SLC12A6: variants seen among roughly 807,000 people sequenced by gnomAD.
SLC12A6 encodes the protein solute carrier family 12 member 6.
Under a neutral mutation model 135.3 loss-of-function variants are expected in SLC12A6, and 66 were observed. The observed-to-expected ratio is 0.49, with a 90% confidence interval of 0.40 to 0.60. The LOEUF (loss-of-function observed/expected upper bound fraction) is 0.60, where lower values mean the gene tolerates loss of function less well. SLC12A6 is among the 20% of genes least tolerant of loss of function. The pLI, the probability that SLC12A6 is intolerant of heterozygous loss-of-function variation, is 0.00. For synonymous variants in SLC12A6, 513 were observed against 508.8 expected (o/e 1.01, Z -0.11); for missense variants, 1,058 against 1,452.3 (o/e 0.73, Z 4.41).
At chr15:34,261,955 A>G (rs1338958434) in intron 3 of SLC12A6, among the ~76,000 whole-genome samples, 1 of 152,234 alleles carries the variant, frequency 6.6e-6, no homozygotes, top group Non-Finnish European at 1.5e-5. Context: ...GAGATTCCTC[A>G]GAGAACTTAG....
intron 23 of SLC12A6, 61 bp from the exon 24 acceptor site, chr15:34,236,260 G>A (rs1245722422): frequency 2.3e-6 from 3 of 1,303,576 alleles, no homozygotes; most frequent in African/African-American, 2.9e-5. Flanking sequence ...TTCATCTTTG[G>A]TTATTTTGAA....
rs543499875 is a variant in SLC12A6, at chr15:34,245,471, C to T, written c.1825-68G>A. The T allele has an allele frequency of 1.9e-5, 19 of 993,118 alleles. No individual in the cohort carries two copies. The South Asian group carries it at 2.2e-4, about 11-fold the overall frequency. 61.5% of individuals were successfully genotyped at this position (993,118 alleles called of 1,614,324 possible). A position where few individuals can be genotyped will look rare whatever the true frequency, so the allele number is the denominator to read the frequency against. ...ATTGCTCTCTGATTTCTCTAGCCTA[C>T]AGTTTTCAGACATCTGGAAGACAAC... On this transcript the variant is annotated intron_variant, in intron 14 of 25. Coordinates refer to ENST00000354181, the MANE Select transcript of SLC12A6 (RefSeq NM_001365088.1).
chr15:34,328,964 T>G (rs1889655876), intron 2 of SLC12A6, among the ~76,000 whole-genome samples: 1 of 152,256 alleles, frequency 6.6e-6, no homozygotes. Flanking sequence ...AATAGCTTCT[T>G]GTTTTTCCAC....
chr15:34,246,619 T>G (rs1046325434), intron 13 of SLC12A6, among the ~76,000 whole-genome samples: 1 of 152,100 alleles, frequency 6.6e-6, no homozygotes, highest in Admixed American at 6.5e-5. Flanking sequence ...CATATCTACA[T>G]TCACAGTTCA....
intron 2 of SLC12A6, among the ~76,000 whole-genome samples, chr15:34,284,975 C>T (rs1442887871): frequency 2.0e-5 from 3 of 152,076 alleles, no homozygotes; most frequent in African/African-American, 7.2e-5. Context: ...GCAAGGAGAC[C>T]GGATTATCAG....
At chr15:34,335,809 G>A (rs912461246) in intron 2 of SLC12A6, among the ~76,000 whole-genome samples, 2 of 152,120 alleles carry the variant, frequency 1.3e-5, no homozygotes, top group Non-Finnish European at 2.9e-5. Flanking sequence ...TGGGAATCAG[G>A]CCCTAAAAGC....
intron 2 of SLC12A6, among the ~76,000 whole-genome samples, chr15:34,288,495 A>C (rs1895279214): frequency 6.6e-6 from 1 of 152,230 alleles, no homozygotes; most frequent in South Asian, 2.1e-4. Context: ...TGAACTTTAA[A>C]GTAGTTTTTT....
rs548759993 is a variant in SLC12A6 at position 34,256,302 on chromosome 15, G to A, written c.691-19C>T. On this transcript the variant is annotated intron_variant, in intron 6 of 25. Coordinates refer to ENST00000354181, the MANE Select transcript of SLC12A6 (RefSeq NM_001365088.1). ...ACATTGTCTGCAGAGAAAAGGAAAG[G>A]AGAGGATTGTTACTGTGTAAAGATG... The A allele has an allele frequency of 2.6e-6, 4 of 1,562,848 alleles. No homozygotes were observed. The Admixed American group carries it at 5.0e-5, about 20-fold the overall frequency.
chr15:34,270,145 GTTTTA>G (rs1383660627), intron 3 of SLC12A6, among the ~76,000 whole-genome samples: 1 of 151,718 alleles, frequency 6.6e-6, no homozygotes. Context: ...GTTTTGTTTT[GTTTTA>G]GAGACAGGGT....
intron 2 of SLC12A6, among the ~76,000 whole-genome samples, chr15:34,312,469 T>C (rs553833541): frequency 6.6e-6 from 1 of 152,300 alleles, no homozygotes; most frequent in South Asian, 2.1e-4. Flanking sequence ...TTATAATCAG[T>C]GTACCAGGGG....
In SLC12A6 at chr15:34,261,036, T is replaced by A. The variant is rs770986271; in HGVS notation, c.317-16A>T. 3 of 1,234,106 alleles carry A rather than the reference T, an allele frequency of 2.4e-6. No homozygotes were observed. The highest frequency in any genetic ancestry group is 3.6e-6 in the Non-Finnish European group (3 of 833,888). 76.4% of individuals were successfully genotyped at this position (1,234,106 alleles called of 1,614,324 possible). A position where few individuals can be genotyped will look rare whatever the true frequency, so the allele number is the denominator to read the frequency against. On this transcript the variant is annotated splice_polypyrimidine_tract_variant and intron_variant, in intron 3 of 25. Coordinates refer to ENST00000354181, the MANE Select transcript of SLC12A6 (RefSeq NM_001365088.1). ...TGTCCGTCGTCTGGAAAAAAAAAAGTAGACCAAGTTAGTTTCTCACTGGTT... is the reference window on the plus strand; with the variant it reads ...TGTCCGTCGTCTGGAAAAAAAAAAGAAGACCAAGTTAGTTTCTCACTGGTT...
At chr15:34,336,793 T>G in intron 1 of SLC12A6, 41 bp from the exon 2 acceptor site, 1 of 836,892 alleles carries the variant, frequency 1.2e-6, no homozygotes, top group South Asian at 1.4e-5. Context: ...CACATTTCAA[T>G]AACCTTGATT....
rs1891330334 is a variant in SLC12A6, at chr15:34,237,284, TTTG to T, written c.2934+132_2934+134del. The T allele has an allele frequency of 1.1e-5, 7 of 647,708 alleles. 1 individual carries two copies. The highest frequency in any genetic ancestry group is 3.2e-4 in the Middle Eastern group (1 of 3,146). 40.1% of individuals were successfully genotyped at this position (647,708 alleles called of 1,614,324 possible). ...TTAGGGCAACAAATTAGGGTTTTTTTTTGTTTTTTTTTTGGCACTAGGGGATTA... is the reference window on the plus strand; with the variant it reads ...TTAGGGCAACAAATTAGGGTTTTTTTTTTTTTTTTTGGCACTAGGGGATTA... On this transcript the variant is annotated intron_variant, in intron 22 of 25. Coordinates refer to ENST00000354181, the MANE Select transcript of SLC12A6 (RefSeq NM_001365088.1).
chr15:34,254,124 G>T (rs1780960701), intron 9 of SLC12A6, among the ~76,000 whole-genome samples: 1 of 152,164 alleles, frequency 6.6e-6, no homozygotes, highest in African/African-American at 2.4e-5. Flanking sequence ...CTAAATGATG[G>T]TTACAGCTAC....
intron 17 of SLC12A6, 26 bp downstream of exon 17, chr15:34,242,076 G>A (rs969724554): frequency 3.8e-6 from 6 of 1,580,886 alleles, no homozygotes; most frequent in Non-Finnish European, 5.2e-6. Flanking sequence ...ACTTTTAGCA[G>A]TGATCAAGAT....
In SLC12A6 at chr15:34,266,997, CTT is replaced by C. The variant is rs541599741; in HGVS notation, c.317-5979_317-5978del. On this transcript the variant is annotated intron_variant, in intron 3 of 25. Transcript: ENST00000354181. ...ATTCTCATCCTCTATCTCTCCCACT[CTT>C]TGGATTTTCTGGTTTGTTTTTCCTT... Among the ~76,000 whole-genome samples, 180 of 152,232 alleles carry C rather than the reference CTT, an allele frequency of 1.2e-3. 3 individuals carry two copies. The highest frequency in any genetic ancestry group is 2.3e-3 in the South Asian group (11 of 4,822).
intron 2 of SLC12A6, chr15:34,314,667 C>T (rs978625128): frequency 6.6e-6 from 1 of 152,396 alleles, no homozygotes; most frequent in African/African-American, 2.4e-5. Flanking sequence ...AATGATTCAC[C>T]ATTCTAGACG....
At chr15:34,325,195 G>C in intron 2 of SLC12A6, among the ~76,000 whole-genome samples, 1 of 152,148 alleles carries the variant, frequency 6.6e-6, no homozygotes, top group East Asian at 1.9e-4. Context: ...AGCAGAGCCT[G>C]AAAGGTATAG....
chr15:34,285,713 T>TACA (rs776596338), intron 2 of SLC12A6, among the ~76,000 whole-genome samples: 1 of 45,164 alleles, frequency 2.2e-5, no homozygotes, highest in Non-Finnish European at 6.1e-5. Flanking sequence ...TGTGTGTGTG[T>TACA]TTGTCATACA....
Sources: gnomAD v4.1 joint callset for allele counts (sites outside exome capture counted in the v4.1 genomes callset) on GRCh38, gnomAD v4.1.1 for gene constraint, MANE v1.5 for transcripts, NCBI Gene and HGNC (gene_info 2026-07-23, HGNC 2026-07-21) for gene names.